Variants in HRG observed in about 807,000 individuals in gnomAD.
The protein encoded by HRG is histidine-rich glycoprotein.
A neutral mutation model predicts 29.5 loss-of-function variants in HRG; 26 were observed. The observed-to-expected ratio is 0.88, with a 90% CI of 0.65 to 1.22. The LOEUF is 1.22. HRG is among the 50% of genes most tolerant of loss of function. The pLI is 0.00. For synonymous variants in HRG, 243 were observed against 240.4 expected, an observed-to-expected ratio of 1.01 and a Z score of -0.10; for missense variants, 671 against 654.5, an observed-to-expected ratio of 1.03 and a Z score of -0.28.
intron 5 of HRG, 135 bp from the exon 6 acceptor site, chr3:186,674,954 G>A: frequency 1.3e-6 from 1 of 743,256 alleles, no homozygotes; most frequent in Non-Finnish European, 2.5e-6. Context: ...TGAACGACTG[G>A]TGGGAATATC....
chr3:186,671,123 G>A (rs910591902), intron 3 of HRG, among the ~76,000 whole-genome samples: 3 of 150,906 alleles, frequency 2.0e-5, no homozygotes, highest in Non-Finnish European at 4.4e-5. Flanking sequence ...GGAGGTTGAG[G>A]CCAGAGGGTT....
In HRG at chr3:186,677,509, CA is replaced by C; in HGVS notation, c.1205del (p.His402LeufsTer37). The C allele has an allele frequency of 1.2e-6, 2 of 1,606,928 alleles. No individual in the cohort carries two copies. Among genetic ancestry groups the C allele is most frequent in the Non-Finnish European group, 1.7e-6 (2 of 1,175,996 alleles). On this transcript the variant is annotated frameshift_variant, in exon 7 of 7. Coordinates refer to ENST00000232003, the MANE Select transcript of HRG (RefSeq NM_000412.5). LOFTEE classifies it low-confidence loss of function (END_TRUNC). Reference sequence around the variant, plus strand: ...ACACCACCCCCATGGACACCATCCCCATGGACACCATCCCCACTGCCATGAT... The same window carrying C: ...ACACCACCCCCATGGACACCATCCCCTGGACACCATCCCCACTGCCATGAT... The part of the protein sequence containing the change: ...HGHHPHGHHP[H>X]GHHPHCHDFQ...
At chr3:186,675,267 C>A in intron 6 of HRG, 77 bp downstream of exon 6, 2 of 815,060 alleles carry the variant, frequency 2.5e-6, no homozygotes, top group Non-Finnish European at 4.2e-6. Context: ...TTGTTGCTTC[C>A]TAAAGCTCTA....
Position 186,677,948 on chromosome 3 carries a change from A to T in HRG, c.*65A>T, listed in dbSNP as rs1719062371. The T allele has an allele frequency of 2.0e-6, 3 of 1,482,168 alleles. No homozygotes were observed. The highest frequency in any genetic ancestry group is 2.8e-6 in the Non-Finnish European group (3 of 1,068,444). 91.8% of individuals were successfully genotyped at this position (1,482,168 alleles called of 1,614,324 possible). A position where few individuals can be genotyped will look rare whatever the true frequency, so the allele number is the denominator to read the frequency against. ...AATTAGAAACATAAATAAAATGACC[A>T]GTAATTGTGAAAATTACAGTTCTTT... On this transcript the variant is annotated 3_prime_UTR_variant, in exon 7 of 7. Coordinates refer to ENST00000232003, the MANE Select transcript of HRG (RefSeq NM_000412.5).
In HRG at chr3:186,677,754, G is replaced by T. The variant is rs768352760; in HGVS notation, c.1449G>T (p.Pro483=). The change falls in exon 7 of 7, where the codon CCG becomes CCT. Residue 483 remains proline, a synonymous_variant. Coordinates refer to ENST00000232003, the MANE Select transcript of HRG (RefSeq NM_000412.5). ...PEANFPSFPL[P]HHKHPLKPDN... ...CCAATTTTCCCAGCTTCCCATTGCC[G>T]CACCACAAACATCCTCTAAAGCCAG... is the stretch of plus-strand genomic sequence containing the variant. The T allele has an allele frequency of 1.2e-6, 2 of 1,611,578 alleles. No homozygotes were observed. Among genetic ancestry groups the T allele is most frequent in the Non-Finnish European group, 1.7e-6 (2 of 1,177,906 alleles).
chr3:186,677,676 T>G lies in HRG; in HGVS notation c.1371T>G (p.Ser457=). ...PRPFHCRQIG[S]VYRLPPLRKG... ...CCTTCCATTGCAGACAAATTGGATCTGTGTACCGACTCCCTCCTCTAAGAA... is the reference window on the plus strand; with the variant it reads ...CCTTCCATTGCAGACAAATTGGATCGGTGTACCGACTCCCTCCTCTAAGAA... The change falls in exon 7 of 7, where the codon TCT becomes TCG. Residue 457 remains serine (S), a synonymous_variant. Transcript: ENST00000232003. 1 of 1,613,772 alleles carries G rather than the reference T, an allele frequency of 6.2e-7. No homozygotes were observed. The highest frequency in any genetic ancestry group is 8.5e-7 in the Non-Finnish European group (1 of 1,179,684).
In HRG at chr3:186,666,226, C is replaced by T. The variant is rs11707899; in HGVS notation, c.183+12C>T. ...ACTTGGACAGAGTGGTGAGGAATTG[C>T]CAATGGCAGAGCTGAGTTGGGAGAT... On this transcript the variant is annotated intron_variant, in intron 1 of 6. Coordinates refer to ENST00000232003, the MANE Select transcript of HRG (RefSeq NM_000412.5). The T allele has an allele frequency of 0.053, 85,150 of 1,613,102 alleles. 2,945 individuals are homozygous for T. Among genetic ancestry groups the T allele is most frequent in the African/African-American group, 0.16 (11,773 of 74,980 alleles).
intron 3 of HRG, 92 bp downstream of exon 3, chr3:186,670,120 C>G (rs1718741840): frequency 1.3e-6 from 1 of 770,508 alleles, no homozygotes; most frequent in Non-Finnish European, 2.4e-6. Flanking sequence ...CATATGTATT[C>G]ATATATATTC....
In HRG at chr3:186,671,653, G is replaced by T. The variant is rs1441070045; in HGVS notation, c.422G>T (p.Ser141Ile). The change falls in exon 4 of 7, where the codon AGT becomes ATT. Residue 141 changes from serine (S) to isoleucine (I), a missense_variant. Ser to Ile is a moderately radical substitution (Grantham distance 142). Coordinates refer to ENST00000232003, the MANE Select transcript of HRG (RefSeq NM_000412.5). ...VSSALANTKD[S>I]PVLIDFFEDT... is the part of the protein sequence containing the mutation. ...TCAGCACTGGCCAATACCAAAGATA[G>T]TCCGGTCCTCATAGATTTCTTTGAG... 2 of 1,614,078 alleles carry T rather than the reference G, an allele frequency of 1.2e-6. No homozygotes were observed. The highest frequency in any genetic ancestry group is 2.7e-5 in the African/African-American group (2 of 75,030).
rs747765775 is a variant in HRG at position 186,675,186 on chromosome 3, C to T, written c.737C>T (p.Pro246Leu). 6.2e-7 allele frequency: 1 copy of T among 1,608,918 alleles called. No homozygotes were observed. The highest frequency in any genetic ancestry group is 1.1e-5 in the South Asian group (1 of 90,980). The change falls in exon 6 of 7, where the codon CCT (proline) becomes CTT (leucine). Residue 246 changes from proline to leucine, a missense_variant. Transcript: ENST00000232003. The stretch of plus-strand genomic sequence containing the variant: ...GTCATAAACTGTGAAGTCTTCGACC[C>T]TCAGGTGGGTTGTCTAAGCAGACTT... Reference protein sequence around the residue: ...NLVINCEVFDPQEHENINGVP... With the variant: ...NLVINCEVFDLQEHENINGVP...
At chr3:186,674,536 C>T (rs1290357712) in intron 5 of HRG, 1 of 180,838 alleles carries the variant, frequency 5.5e-6, no homozygotes, top group East Asian at 1.4e-4. Context: ...CCTAGTCGAT[C>T]TTTCACAGGT....
chr3:186,667,777 C>T (rs1415661734), intron 1 of HRG, among the ~76,000 whole-genome samples: 1 of 152,066 alleles, frequency 6.6e-6, no homozygotes, highest in African/African-American at 2.4e-5. Flanking sequence ...TCCATGTGGG[C>T]TCTGGAGCAG....
intron 2 of HRG, 55 bp from the exon 3 acceptor site, chr3:186,669,883 T>C (rs143935067): frequency 1.7e-5 from 15 of 870,394 alleles, no homozygotes; most frequent in African/African-American, 1.2e-4. Context: ...ATATCTGACC[T>C]GAGGAAGGCA....
In HRG at chr3:186,666,187, G is replaced by T; in HGVS notation, c.156G>T (p.Arg52=). 6.2e-7 allele frequency: 1 copy of T among 1,614,016 alleles called. No individual in the cohort carries two copies. The highest frequency in any genetic ancestry group is 2.2e-5 in the East Asian group (1 of 44,888). ...ATGGCTACCTTTTCCAATTGCTGCGGATTGCTGATGCCCACTTGGACAGAG... is the reference window on the plus strand; with the variant it reads ...ATGGCTACCTTTTCCAATTGCTGCGTATTGCTGATGCCCACTTGGACAGAG... The part of the protein sequence containing the change: ...RRDGYLFQLL[R]IADAHLDRVE... Residue 52 remains arginine (R), a synonymous_variant, in exon 1 of 7, where the codon CGG becomes CGT. Coordinates refer to ENST00000232003, the MANE Select transcript of HRG (RefSeq NM_000412.5).
chr3:186,666,165 G>C lies in HRG; in HGVS notation c.134G>C (p.Gly45Ala), dbSNP rs765067014. 1.9e-6 allele frequency: 3 copies of C among 1,614,162 alleles called. No homozygotes were observed. In the South Asian group the frequency reaches 3.3e-5, roughly 18 times the overall value. Reference sequence around the variant, plus strand: ...CTGATCAATAAAAGGCGACGGGATGGCTACCTTTTCCAATTGCTGCGGATT... The same window carrying C: ...CTGATCAATAAAAGGCGACGGGATGCCTACCTTTTCCAATTGCTGCGGATT... ...LDLINKRRRDGYLFQLLRIAD... is the reference protein window; with the variant it reads ...LDLINKRRRDAYLFQLLRIAD... The change falls in exon 1 of 7, where the codon GGC becomes GCC. Residue 45 changes from glycine to alanine, a missense_variant. Physicochemically the swap from Gly to Ala is moderately conservative, Grantham distance 60. Transcript: ENST00000232003.
Position 186,677,637 on chromosome 3 carries a change from T to A in HRG, c.1332T>A (p.Gly444=). ...GGCACTTAAGAAGGCGAGGCCCAGG[T>A]AAAGGACCCCGTCCCTTCCATTGCA... is the stretch of plus-strand genomic sequence containing the variant. The part of the protein sequence containing the change: ...PPGHLRRRGP[G]KGPRPFHCRQ... The change falls in exon 7 of 7, where the codon GGT becomes GGA. Residue 444 remains glycine (G), a synonymous_variant. Transcript: ENST00000232003. 1.2e-6 allele frequency: 2 copies of A among 1,614,098 alleles called. No individual in the cohort carries two copies. The highest frequency in any genetic ancestry group is 1.7e-6 in the Non-Finnish European group (2 of 1,180,020).
At chr3:186,670,838 C>T (rs753026607) in intron 3 of HRG, among the ~76,000 whole-genome samples, 21 of 152,304 alleles carry the variant, frequency 1.4e-4, no homozygotes, top group Non-Finnish European at 2.4e-4. Flanking sequence ...TGAGCCACCA[C>T]GCCCAGCCTC....
chr3:186,675,323 G>GAGAC lies in HRG; in HGVS notation c.741+136_741+137insCAGA, dbSNP rs1553785561. ...TGTGTGTGTGTGAGAGAGAGAGAGAGAGAGAGAGACAGAGACAGAGACAGA... is the reference window on the plus strand; with the variant it reads ...TGTGTGTGTGTGAGAGAGAGAGAGAGAGACAGAGAGAGACAGAGACAGAGACAGA... On this transcript the variant is annotated intron_variant, in intron 6 of 6. Coordinates refer to ENST00000232003, the MANE Select transcript of HRG (RefSeq NM_000412.5). 6 of 687,936 alleles carry GAGAC rather than the reference G, an allele frequency of 8.7e-6. No individual in the cohort carries two copies. In the African/African-American group the frequency reaches 1.1e-4, roughly 12 times the overall value. 42.6% of individuals were successfully genotyped at this position (687,936 alleles called of 1,614,324 possible). A position where few individuals can be genotyped will look rare whatever the true frequency, so the allele number is the denominator to read the frequency against.
At chr3:186,666,481 A>C (rs1718614835) in intron 1 of HRG, among the ~76,000 whole-genome samples, 1 of 152,208 alleles carries the variant, frequency 6.6e-6, no homozygotes. Flanking sequence ...GAAACATTAG[A>C]ATAAGCTATG....
Sources: allele counts gnomAD v4.1 joint callset (sites outside exome capture counted in the v4.1 genomes callset), GRCh38; gene constraint gnomAD v4.1.1; transcripts MANE v1.5; gene names NCBI Gene and HGNC (gene_info 2026-07-23, HGNC 2026-07-21).